Variants in DIAPH3 observed in about 807,000 individuals in gnomAD.
DIAPH3 encodes the protein protein diaphanous homolog 3.
Under a neutral mutation model 144.3 loss-of-function variants are expected in DIAPH3, and 117 were observed. The observed-to-expected ratio is 0.81, with a 90% CI of 0.70 to 0.95. DIAPH3 has a LOEUF of 0.95. DIAPH3 is among the 40% of genes least tolerant of loss of function. The pLI is 0.00. For missense variants in DIAPH3, 1,421 were observed against 1,412.7 expected, an observed-to-expected ratio of 1.01 and a Z score of -0.09; for synonymous variants, 519 against 488.9, an observed-to-expected ratio of 1.06 and a Z score of -0.81.
chr13:59,966,731 C>T (rs1010598590), intron 17 of DIAPH3, among the ~76,000 whole-genome samples: 1 of 152,116 alleles, frequency 6.6e-6, no homozygotes, highest in African/African-American at 2.4e-5. Context: ...AATTTGAATG[C>T]TTGGGAAGCA....
chr13:59,837,196 G>A, intron 23 of DIAPH3, among the ~76,000 whole-genome samples: 1 of 151,962 alleles, frequency 6.6e-6, no homozygotes, highest in Non-Finnish European at 1.5e-5. Context: ...GTTCATTAGA[G>A]GCTTCTAGGT....
chr13:59,923,977 T>C (rs889817708), intron 18 of DIAPH3, among the ~76,000 whole-genome samples: 1 of 152,202 alleles, frequency 6.6e-6, no homozygotes, highest in Non-Finnish European at 1.5e-5. Flanking sequence ...TTTATTCCAA[T>C]ACTTGCTAAA....
intron 17 of DIAPH3, among the ~76,000 whole-genome samples, chr13:59,958,767 C>T (rs1485443834): frequency 6.7e-6 from 1 of 149,338 alleles, no homozygotes; most frequent in Non-Finnish European, 1.5e-5. Flanking sequence ...TAAGAAAACA[C>T]AATATAAGAA....
intron 1 of DIAPH3, among the ~76,000 whole-genome samples, chr13:60,149,261 T>C (rs973584843): frequency 6.6e-5 from 10 of 152,048 alleles, no homozygotes; most frequent in Admixed American, 2.6e-4. Flanking sequence ...GTGTGGATAT[T>C]GGAGGAGAAA....
At chr13:59,682,523 T>A (rs1245334340) in intron 27 of DIAPH3, among the ~76,000 whole-genome samples, 1 of 152,180 alleles carries the variant, frequency 6.6e-6, no homozygotes, top group South Asian at 2.1e-4. Flanking sequence ...TAGCATATAG[T>A]TTTCTCTCAC....
At chr13:59,716,353 T>G (rs2035059734) in intron 27 of DIAPH3, among the ~76,000 whole-genome samples, 1 of 152,160 alleles carries the variant, frequency 6.6e-6, no homozygotes, top group Admixed American at 6.5e-5. Context: ...TTTTTTGTAT[T>G]TTTAGTAGAG....
intron 27 of DIAPH3, among the ~76,000 whole-genome samples, chr13:59,723,895 G>A (rs1042518421): frequency 2.0e-5 from 3 of 149,092 alleles, no homozygotes; most frequent in Non-Finnish European, 3.0e-5. Flanking sequence ...TTACAGGCAT[G>A]AGCCACCGCA....
intron 27 of DIAPH3, among the ~76,000 whole-genome samples, chr13:59,739,407 T>G (rs2036328498): frequency 6.6e-6 from 1 of 152,126 alleles, no homozygotes; most frequent in Non-Finnish European, 1.5e-5. Context: ...CTCTAAGTAT[T>G]CATTTGTTAA....
intron 5 of DIAPH3, among the ~76,000 whole-genome samples, chr13:60,024,006 C>T (rs2054216086): frequency 6.6e-6 from 1 of 151,838 alleles, no homozygotes; most frequent in Non-Finnish European, 1.5e-5. Flanking sequence ...CAGGCACGTG[C>T]CACCACGCCC....
chr13:60,082,659 A>T (rs776372318), intron 4 of DIAPH3, among the ~76,000 whole-genome samples: 1 of 152,134 alleles, frequency 6.6e-6, no homozygotes, highest in Non-Finnish European at 1.5e-5. Flanking sequence ...AATAAAGGGC[A>T]TATACTATTA....
chr13:60,008,767 A>AT (rs903270420), intron 8 of DIAPH3, 118 bp from the exon 9 acceptor site: 2 of 731,200 alleles, frequency 2.7e-6, no homozygotes, highest in Non-Finnish European at 5.0e-6. Flanking sequence ...TTAGAAGTAG[A>AT]TTACTGAGTA....
chr13:59,893,778 T>A (rs1316907683), intron 20 of DIAPH3, among the ~76,000 whole-genome samples: 1 of 152,080 alleles, frequency 6.6e-6, no homozygotes, highest in Non-Finnish European at 1.5e-5. Flanking sequence ...GAACAATAAC[T>A]CTGCCCACAT....
intron 9 of DIAPH3, among the ~76,000 whole-genome samples, chr13:60,002,537 A>C (rs568358781): frequency 2.4e-4 from 36 of 152,318 alleles, no homozygotes; most frequent in African/African-American, 8.7e-4. Flanking sequence ...TTTTTAACCT[A>C]GGAGTTCACG....
chr13:60,142,577 G>C (rs1282320988), intron 1 of DIAPH3, among the ~76,000 whole-genome samples: 1 of 152,124 alleles, frequency 6.6e-6, no homozygotes, highest in Non-Finnish European at 1.5e-5. Flanking sequence ...TCTACATGCA[G>C]ATGGTAATGT....
At chr13:59,963,271 A>G (rs1247049944) in intron 17 of DIAPH3, among the ~76,000 whole-genome samples, 1 of 152,214 alleles carries the variant, frequency 6.6e-6, no homozygotes, top group Non-Finnish European at 1.5e-5. Flanking sequence ...TTGAGGGACA[A>G]GAACAGCTTA....
At chr13:60,003,616 C>T (rs1729270508) in intron 9 of DIAPH3, among the ~76,000 whole-genome samples, 2 of 151,644 alleles carry the variant, frequency 1.3e-5, no homozygotes. Flanking sequence ...CTCTGTCAGC[C>T]AGGCTGGAGT....
intron 22 of DIAPH3, among the ~76,000 whole-genome samples, chr13:59,852,657 C>T (rs1210858272): frequency 1.3e-5 from 2 of 152,124 alleles, no homozygotes; most frequent in African/African-American, 2.4e-5. Flanking sequence ...ATCCTGTACA[C>T]TTATGTAACT....
intron 22 of DIAPH3, among the ~76,000 whole-genome samples, chr13:59,856,232 C>T (rs2043245756): frequency 6.6e-6 from 1 of 152,174 alleles, no homozygotes; most frequent in African/African-American, 2.4e-5. Flanking sequence ...ACAACTGCTA[C>T]TTCAACTGAT....
Position 59,730,991 on chromosome 13 carries a change from T to G in DIAPH3, c.3319+43198A>C, listed in dbSNP as rs774385495. Among the ~76,000 whole-genome samples, 4 of 152,156 alleles carry G rather than the reference T, an allele frequency of 2.6e-5. No individual in the cohort carries two copies. In the South Asian group the frequency reaches 8.3e-4, roughly 32 times the overall value. ...CTGCTTGCCATTCCCCATTATTCCC[T>G]TCTTGTCAACATCACTCTTCTACTG... On this transcript the variant is annotated intron_variant, in intron 27 of 27. Transcript: ENST00000400324.
Sources: allele counts gnomAD v4.1 joint callset (sites outside exome capture counted in the v4.1 genomes callset), GRCh38; gene constraint gnomAD v4.1.1; transcripts MANE v1.5; gene names NCBI Gene and HGNC (gene_info 2026-07-23, HGNC 2026-07-21).